Variants in WDR26 observed in about 807,000 individuals in gnomAD.
WDR26 encodes WD repeat-containing protein 26.
Under a neutral mutation model 84.1 loss-of-function variants are expected in WDR26, and 5 were observed. The observed-to-expected ratio is 0.06, with a 90% CI of 0.03 to 0.13. The LOEUF (loss-of-function observed/expected upper bound fraction) is 0.13, where lower values mean the gene tolerates loss of function less well. WDR26 is among the 10% of genes least tolerant of loss of function. The pLI, the probability that WDR26 is intolerant of heterozygous loss-of-function variation, is 1.00. For missense variants in WDR26, 642 were observed against 974.9 expected (o/e 0.66, Z 4.55); for synonymous variants, 415 against 389.6 (o/e 1.07, Z -0.77).
Position 224,411,530 on chromosome 1 carries a change from G to T in WDR26, c.1355C>A (p.Thr452Lys). 1.2e-6 allele frequency: 2 copies of T among 1,612,562 alleles called. No homozygotes were observed. The highest frequency in any genetic ancestry group is 1.7e-6 in the Non-Finnish European group (2 of 1,179,402). The change falls in exon 7 of 14, where the codon ACG (threonine) becomes AAG (lysine). Residue 452 changes from threonine to lysine, a missense_variant. By Grantham distance (78) the Thr-to-Lys change is moderately conservative. Transcript: ENST00000414423. Reference sequence around the variant, plus strand: ...GAACCACACTTCATTACAATGCTCCGTAAGTATCTGCTGCGTATAACATGG... The same window carrying T: ...GAACCACACTTCATTACAATGCTCCTTAAGTATCTGCTGCGTATAACATGG...
Position 224,433,665 on chromosome 1 carries a change from G to T in WDR26, c.722+19C>A, listed in dbSNP as rs1472305554. On this transcript the variant is annotated intron_variant, in intron 1 of 13. Transcript: ENST00000414423. ...TCCCTCGGTCTGTCCATCACCAGCT[G>T]GCGGTAAGGGATACTTACTTGAGCC... 7.0e-7 allele frequency: 1 copy of T among 1,437,080 alleles called. No individual in the cohort carries two copies. Among genetic ancestry groups the T allele is most frequent in the Non-Finnish European group, 9.2e-7 (1 of 1,092,780 alleles). The allele number at this position is 1,437,080 out of a possible 1,614,324, so 89.0% of individuals were successfully genotyped here.
In WDR26 at chr1:224,385,280, G is replaced by A. The variant is rs1328033217; in HGVS notation, c.*4555C>T. The A allele has an allele frequency of 6.6e-6, 1 of 152,146 alleles. No individual in the cohort carries two copies. The highest frequency in any genetic ancestry group is 1.9e-4 in the East Asian group (1 of 5,202). The allele number at this position is 152,146 out of a possible 1,614,324, so 9.4% of individuals were successfully genotyped here. On this transcript the variant is annotated 3_prime_UTR_variant, in exon 14 of 14. Transcript: ENST00000414423. ...GCAAATCAAAGTTAATGTAGTTTCA[G>A]TTGAACAAAAATTTAAAGACGTTTA...
chr1:224,410,320 A>G (rs573073526), intron 7 of WDR26, among the ~76,000 whole-genome samples: 1 of 151,834 alleles, frequency 6.6e-6, no homozygotes, highest in Admixed American at 6.6e-5. Context: ...AAAAGAAAAG[A>G]AAAGAAGTTT....
chr1:224,411,753 T>C (rs1158879294), intron 6 of WDR26, among the ~76,000 whole-genome samples, 188 bp from the exon 7 acceptor site: 1 of 151,770 alleles, frequency 6.6e-6, no homozygotes, highest in African/African-American at 2.4e-5. Flanking sequence ...GGCTCTGTAC[T>C]GTTGTACAGT....
At chr1:224,394,930 A>G (rs1310452707) in intron 12 of WDR26, among the ~76,000 whole-genome samples, 2 of 152,242 alleles carry the variant, frequency 1.3e-5, no homozygotes, top group African/African-American at 2.4e-5. Context: ...AGAGTAGACA[A>G]TGGTCCCTTA....
intron 4 of WDR26, among the ~76,000 whole-genome samples, chr1:224,422,349 G>C (rs1674088892): frequency 6.6e-6 from 1 of 152,228 alleles, no homozygotes; most frequent in Non-Finnish European, 1.5e-5. Flanking sequence ...AGAGCCAGTG[G>C]CAAGGGAGTA....
chr1:224,415,211 T>C (rs567747647), intron 6 of WDR26, among the ~76,000 whole-genome samples: 16 of 152,300 alleles, frequency 1.1e-4, no homozygotes, highest in African/African-American at 3.1e-4. Flanking sequence ...GGGTAGATGG[T>C]TGCTTTTCAC....
In WDR26 at chr1:224,434,698, G is replaced by A. The variant is rs1031630344; in HGVS notation, c.-293C>T. The A allele has an allele frequency of 4.6e-5, 43 of 941,980 alleles. No homozygotes were observed. The highest frequency in any genetic ancestry group is 6.3e-5 in the Admixed American group (1 of 15,882). 58.4% of individuals were successfully genotyped at this position (941,980 alleles called of 1,614,324 possible). ...AGCCCCGGCAGTGGCTGCGGCGGCG[G>A]CGGCGGCGGGCGGCAGCGGAGGCAG... is the stretch of plus-strand genomic sequence containing the variant. On this transcript the variant is annotated 5_prime_UTR_variant, in exon 1 of 14. Transcript: ENST00000414423.
chr1:224,402,413 A>G (rs1673444259), intron 8 of WDR26, among the ~76,000 whole-genome samples: 1 of 152,230 alleles, frequency 6.6e-6, no homozygotes, highest in African/African-American at 2.4e-5. Flanking sequence ...TGAAGGCAGA[A>G]ATGGTTTGTC....
rs1674524042 is a variant in WDR26, at chr1:224,434,178, C to T, written c.228G>A (p.Pro76=). 2 of 1,416,218 alleles carry T rather than the reference C, an allele frequency of 1.4e-6. No individual in the cohort carries two copies. The highest frequency in any genetic ancestry group is 1.8e-6 in the Non-Finnish European group (2 of 1,089,974). The allele number at this position is 1,416,218 out of a possible 1,614,324, so 87.7% of individuals were successfully genotyped here. A position where few individuals can be genotyped will look rare whatever the true frequency, so the allele number is the denominator to read the frequency against. Residue 76 remains proline (P), a synonymous_variant, in exon 1 of 14, where the codon CCG becomes CCA. Transcript: ENST00000414423. Reference sequence around the variant, plus strand: ...CAGCGGCGGCGGGAGGGGCAGCAGCCGGGGGAAGTCCCACCACTACCACCA... The same window carrying T: ...CAGCGGCGGCGGGAGGGGCAGCAGCTGGGGGAAGTCCCACCACTACCACCA...
intron 7 of WDR26, among the ~76,000 whole-genome samples, chr1:224,409,586 G>A (rs1673676262): frequency 6.6e-6 from 1 of 152,176 alleles, no homozygotes; most frequent in Admixed American, 6.5e-5. Flanking sequence ...GTTAGGCTGG[G>A]AATGGCGACT....
intron 12 of WDR26, among the ~76,000 whole-genome samples, chr1:224,394,459 T>A (rs1329242209): frequency 2.6e-5 from 4 of 152,112 alleles, no homozygotes; most frequent in African/African-American, 9.7e-5. Context: ...TAATGCATAT[T>A]ATTTAATCTT....
rs1479426398 is a variant in WDR26, at chr1:224,434,549, GAGA to G, written c.-147_-145del. 1 of 222,026 alleles carries G rather than the reference GAGA, an allele frequency of 4.5e-6. No individual in the cohort carries two copies. The highest frequency in any genetic ancestry group is 2.0e-4 in the East Asian group (1 of 4,944). The allele number at this position is 222,026 out of a possible 1,614,324, so 13.8% of individuals were successfully genotyped here. A position where few individuals can be genotyped will look rare whatever the true frequency, so the allele number is the denominator to read the frequency against. ...AGAGGAGGGGGAGGAGGAGGAGGGG[GAGA>G]AGGAGGATCCGGGCCCTTTCCCCCC... On this transcript the variant is annotated 5_prime_UTR_variant, in exon 1 of 14. Transcript: ENST00000414423.
intron 6 of WDR26, among the ~76,000 whole-genome samples, chr1:224,417,847 A>T (rs1391810421): frequency 3.9e-5 from 6 of 152,252 alleles, no homozygotes; most frequent in Non-Finnish European, 8.8e-5. Flanking sequence ...GGACATGGGT[A>T]CACATGGTAA....
At chr1:224,411,614 A>G (rs1227003184) in intron 6 of WDR26, 49 bp from the exon 7 acceptor site, 1 of 1,502,658 alleles carries the variant, frequency 6.7e-7, no homozygotes, top group East Asian at 2.4e-5. Flanking sequence ...GATTAGAGTA[A>G]TAATAATAAA....
At chr1:224,390,420 C>T (rs1344408671) in intron 13 of WDR26, among the ~76,000 whole-genome samples, 1 of 152,202 alleles carries the variant, frequency 6.6e-6, no homozygotes, top group Non-Finnish European at 1.5e-5. Context: ...CGTGCCTAGC[C>T]TCAGAATCTC....
rs1673006357 is a variant in WDR26 at position 224,387,073 on chromosome 1, T to C, written c.*2762A>G. ...AACAACAAAAACATTTTTAAGCACA[T>C]GGAAATGAGCCTACTAACCTGATTT... On this transcript the variant is annotated 3_prime_UTR_variant, in exon 14 of 14. Coordinates refer to ENST00000414423, the MANE Select transcript of WDR26 (RefSeq NM_001379403.1). The C allele has an allele frequency of 6.6e-6, 1 of 152,616 alleles. No individual in the cohort carries two copies. The highest frequency in any genetic ancestry group is 2.4e-5 in the African/African-American group (1 of 41,444). 9.5% of individuals were successfully genotyped at this position (152,616 alleles called of 1,614,324 possible).
At position 224,434,293 on chromosome 1, in the gene WDR26, C is replaced by T; in HGVS notation, c.113G>A (p.Gly38Glu). The stretch of plus-strand genomic sequence containing the variant: ...TGCCGAAGCCCCGGGCTCTCCTACT[C>T]CCTCCGCCGCCGAGGCTCGGGGTTT... Residue 38 changes from glycine to glutamate, a missense_variant, in exon 1 of 14, where the codon GGA becomes GAA. This residue lies in a region of WDR26 where 291 missense variants were observed against 302.1 expected (regional missense o/e 0.96). Transcript: ENST00000414423. 8.1e-7 allele frequency: 1 copy of T among 1,237,776 alleles called. No homozygotes were observed. The highest frequency in any genetic ancestry group is 1.0e-6 in the Non-Finnish European group (1 of 991,326). The allele number at this position is 1,237,776 out of a possible 1,614,324, so 76.7% of individuals were successfully genotyped here.
In WDR26 at chr1:224,434,508, G is replaced by A. The variant is rs1417310599; in HGVS notation, c.-103C>T. The A allele has an allele frequency of 1.2e-5, 5 of 428,086 alleles. No individual in the cohort carries two copies. Among genetic ancestry groups the A allele is most frequent in the African/African-American group, 2.3e-5 (1 of 42,638 alleles). 26.5% of individuals were successfully genotyped at this position (428,086 alleles called of 1,614,324 possible). ...GGCGGGGAGGGGGTCAGGGTAGGAG[G>A]GTGAGGGTGAGGGTGAGAGGAGGGG... is the stretch of plus-strand genomic sequence containing the variant. On this transcript the variant is annotated 5_prime_UTR_variant, in exon 1 of 14. Transcript: ENST00000414423.
Sources: allele counts gnomAD v4.1 joint callset (sites outside exome capture counted in the v4.1 genomes callset), GRCh38; gene constraint gnomAD v4.1.1; regional missense constraint gnomAD v4.1.1; transcripts MANE v1.5; gene names NCBI Gene and HGNC (gene_info 2026-07-23, HGNC 2026-07-21).